The following BCAS3 variants were observed in gnomAD, a reference collection of about 807,000 sequenced individuals.
The protein encoded by BCAS3 is BCAS3 microtubule associated cell migration factor, also known as BCAS4/BCAS3 fusion.
A neutral mutation model predicts 116.1 loss-of-function variants in BCAS3; 53 were observed. The observed-to-expected ratio is 0.46, with a 90% confidence interval of 0.37 to 0.57. BCAS3 has a LOEUF of 0.57. Among genes scored for constraint, BCAS3 ranks in the 20% least tolerant of loss-of-function variants. BCAS3 has a pLI of 0.00. For synonymous variants in BCAS3, 391 were observed against 408.2 expected (o/e 0.96, Z 0.51); for missense variants, 917 against 1,165.4 (o/e 0.79, Z 3.10).
In BCAS3 at chr17:61,346,788, A is replaced by G. The variant is rs534370459; in HGVS notation, c.2426-21539A>G. ...AAGCCACTTCACCACAGTCTCATCT[A>G]CGCTGTGTTAGAGGGTTAGCATGTG... On this transcript the variant is annotated intron_variant, in intron 22 of 23. Coordinates refer to ENST00000407086, the MANE Select transcript of BCAS3 (RefSeq NM_017679.5). This position sits in a 1 kb window ranked among gnomAD's most constrained non-coding sequence, Gnocchi z 5.4. Among the ~76,000 whole-genome samples the G allele has an allele frequency of 6.6e-6, 1 of 152,328 alleles. No homozygotes were observed. Among genetic ancestry groups the G allele is most frequent in the Admixed American group, 6.5e-5 (1 of 15,304 alleles).
chr17:60,777,318 A>T (rs923049481), intron 6 of BCAS3, among the ~76,000 whole-genome samples: 1 of 152,112 alleles, frequency 6.6e-6, no homozygotes, highest in African/African-American at 2.4e-5. Flanking sequence ...TGTTTACCTC[A>T]ATCACCACAA....
rs1409387681 is a variant in BCAS3, at chr17:61,344,117, C to T, written c.2426-24210C>T. 6.6e-6 allele frequency among the ~76,000 whole-genome samples: 1 copy of T among 152,102 alleles called. No homozygotes were observed. The highest frequency in any genetic ancestry group is 1.5e-5 in the Non-Finnish European group (1 of 68,024). On this transcript the variant is annotated intron_variant, in intron 22 of 23. Transcript: ENST00000407086. The surrounding 1 kb of genome is among the most constrained non-coding windows in gnomAD (Gnocchi z 4.1). ...GACAGGCTAAGGATGCCGGCTAGCC[C>T]CCAATCCCAGAGAGCATGCAGCTGA...
chr17:60,717,526 C>G (rs1400608095), intron 5 of BCAS3, among the ~76,000 whole-genome samples: 1 of 152,024 alleles, frequency 6.6e-6, no homozygotes, highest in Non-Finnish European at 1.5e-5. Context: ...GAATATGTTT[C>G]TTATATTTAA....
chr17:60,749,257 C>T (rs2042248622), intron 6 of BCAS3, among the ~76,000 whole-genome samples: 1 of 152,142 alleles, frequency 6.6e-6, no homozygotes, highest in Non-Finnish European at 1.5e-5. Context: ...ATAACAAATA[C>T]GTGTTTATAA....
intron 19 of BCAS3, among the ~76,000 whole-genome samples, chr17:61,062,219 A>G (rs1365059113): frequency 1.3e-5 from 2 of 152,162 alleles, no homozygotes; most frequent in Non-Finnish European, 2.9e-5. Flanking sequence ...ACGGTTTAAA[A>G]GGTAACAAAA....
At position 61,189,919 on chromosome 17, in the gene BCAS3, G is replaced by A. The variant is rs1470543258; in HGVS notation, c.2425+105355G>A. ...GAAGGTGAAAGGGAAAGTATGCAGA[G>A]TGAGAAAAATCGTGGGTCTAAGGAC... On this transcript the variant is annotated intron_variant, in intron 22 of 23. Coordinates refer to ENST00000407086, the MANE Select transcript of BCAS3 (RefSeq NM_017679.5). The surrounding 1 kb of genome is among the most constrained non-coding windows in gnomAD (Gnocchi z 4.5). Among the ~76,000 whole-genome samples the A allele has an allele frequency of 6.6e-6, 1 of 152,174 alleles. No individual in the cohort carries two copies. The highest frequency in any genetic ancestry group is 1.5e-5 in the Non-Finnish European group (1 of 68,028).
chr17:60,984,967 A>G (rs1288793856), intron 14 of BCAS3, among the ~76,000 whole-genome samples: 19 of 140,294 alleles, frequency 1.4e-4, no homozygotes, highest in African/African-American at 4.1e-4. Context: ...CCGAGATTGC[A>G]CCACTGCACT....
At chr17:61,169,464 G>C (rs1033195723) in intron 22 of BCAS3, among the ~76,000 whole-genome samples, 2 of 152,016 alleles carry the variant, frequency 1.3e-5, no homozygotes, top group South Asian at 2.1e-4. Context: ...ATTGAGATGG[G>C]GTTTTGCTAT....
rs2058092964 is a variant in BCAS3, at chr17:61,355,540, C to G, written c.2426-12787C>G. Among the ~76,000 whole-genome samples, 2 of 152,130 alleles carry G rather than the reference C, an allele frequency of 1.3e-5. No individual in the cohort carries two copies. The highest frequency in any genetic ancestry group is 6.5e-5 in the Admixed American group (1 of 15,274). ...ATGACAGGCTTTGGAGCCAAATGAA[C>G]CTAGGATCCTAATCCTGACTGTACC... On this transcript the variant is annotated intron_variant, in intron 22 of 23. Coordinates refer to ENST00000407086, the MANE Select transcript of BCAS3 (RefSeq NM_017679.5). The surrounding 1 kb of genome is among the most constrained non-coding windows in gnomAD (Gnocchi z 4.2).
chr17:60,783,307 C>T (rs554227223), intron 6 of BCAS3, among the ~76,000 whole-genome samples: 6 of 152,156 alleles, frequency 3.9e-5, no homozygotes, highest in Non-Finnish European at 8.8e-5. Flanking sequence ...CTGGCTCAAG[C>T]GATCCTCCCA....
chr17:60,912,934 A>G (rs1468320704), intron 12 of BCAS3, among the ~76,000 whole-genome samples: 2 of 152,112 alleles, frequency 1.3e-5, no homozygotes, highest in East Asian at 1.9e-4. Context: ...AGTAATTTTG[A>G]TGAAATAGAA....
intron 2 of BCAS3, 115 bp from the exon 3 acceptor site, chr17:60,683,867 A>C (rs928181262): frequency 8.4e-6 from 8 of 957,992 alleles, no homozygotes; most frequent in East Asian, 7.6e-5. Context: ...AAAAAACCCC[A>C]AAAAACAAAC....
At chr17:61,184,769 A>G (rs1381731732) in intron 22 of BCAS3, among the ~76,000 whole-genome samples, 1 of 152,192 alleles carries the variant, frequency 6.6e-6, no homozygotes, top group Non-Finnish European at 1.5e-5. Context: ...AGCAATAAAA[A>G]GAAGGAAGTA....
rs776744927 is a variant in BCAS3 at position 61,388,578 on chromosome 17, C to G, written c.2594-3399C>G. On this transcript the variant is annotated intron_variant, in intron 23 of 23. Transcript: ENST00000407086. This position sits in a 1 kb window ranked among gnomAD's most constrained non-coding sequence, Gnocchi z 6.5. ...TGTACTTCTCAATCGTTGTCCATAT[C>G]TTTTCCAAAAAGATTCCTCAATGCT... is the stretch of plus-strand genomic sequence containing the variant. The G allele has an allele frequency of 1.3e-6, 2 of 1,520,858 alleles. No homozygotes were observed. Among genetic ancestry groups the G allele is most frequent in the South Asian group, 2.4e-5 (2 of 82,914 alleles). 94.2% of individuals were successfully genotyped at this position (1,520,858 alleles called of 1,614,324 possible).
Position 60,956,614 on chromosome 17 carries a change from C to A in BCAS3, c.1221+9262C>A, listed in dbSNP as rs184617826. 1.9e-4 allele frequency among the ~76,000 whole-genome samples: 29 copies of A among 152,244 alleles called. No homozygotes were observed. The highest frequency in any genetic ancestry group is 3.8e-4 in the Non-Finnish European group (26 of 68,004). On this transcript the variant is annotated intron_variant, in intron 14 of 23. Transcript: ENST00000407086. The surrounding 1 kb of genome is among the most constrained non-coding windows in gnomAD (Gnocchi z 4.2). The stretch of plus-strand genomic sequence containing the variant: ...CTTAAGCTTCTTGGCATCTCTCATG[C>A]ATAGAATGGAGCCTTGCATATTGTA...
chr17:61,372,467 G>C (rs1846473477), intron 23 of BCAS3, among the ~76,000 whole-genome samples: 1 of 152,114 alleles, frequency 6.6e-6, no homozygotes, highest in Non-Finnish European at 1.5e-5. Context: ...AGTTGGCTTT[G>C]TCTCCTGATC....
At chr17:60,905,382 A>G (rs928711581) in intron 11 of BCAS3, among the ~76,000 whole-genome samples, 25 of 152,370 alleles carry the variant, frequency 1.6e-4, no homozygotes, top group Non-Finnish European at 2.8e-4. Context: ...ATAGATGAAC[A>G]AAAAGTATTT....
chr17:61,012,740 A>T lies in BCAS3; in HGVS notation c.1487-3011A>T, dbSNP rs2065193097. Reference sequence around the variant, plus strand: ...ATAGATCTGAAGTTCTTTGTATGCTATTCTGAGGTTGTCCTTTATCCTGGT... The same window carrying T: ...ATAGATCTGAAGTTCTTTGTATGCTTTTCTGAGGTTGTCCTTTATCCTGGT... On this transcript the variant is annotated intron_variant, in intron 15 of 23. Transcript: ENST00000407086. This position sits in a 1 kb window ranked among gnomAD's most constrained non-coding sequence, Gnocchi z 4.5. Among the ~76,000 whole-genome samples, 1 of 152,036 alleles carries T rather than the reference A, an allele frequency of 6.6e-6. No homozygotes were observed. The highest frequency in any genetic ancestry group is 2.4e-5 in the African/African-American group (1 of 41,438).
intron 13 of BCAS3, among the ~76,000 whole-genome samples, chr17:60,925,163 C>T (rs2059305948): frequency 6.6e-6 from 1 of 152,066 alleles, no homozygotes; most frequent in African/African-American, 2.4e-5. Context: ...TCAAGTAATT[C>T]TCCTGCCTTA....
Sources: gnomAD v4.1 joint callset for allele counts (sites outside exome capture counted in the v4.1 genomes callset) on GRCh38, gnomAD v4.1.1 for gene constraint, Gnocchi (gnomAD v3.1) non-coding constraint, MANE v1.5 for transcripts, NCBI Gene and HGNC (gene_info 2026-07-23, HGNC 2026-07-21) for gene names.